RBM19: variants seen among roughly 807,000 people sequenced by gnomAD.
RBM19 encodes the protein probable RNA-binding protein 19.
Under a neutral mutation model 116.8 loss-of-function variants are expected in RBM19, and 94 were observed. The ratio of observed to expected loss-of-function variants is 0.80; its 90% CI spans 0.68 to 0.95. The LOEUF (loss-of-function observed/expected upper bound fraction) is 0.95. Among genes scored for constraint, RBM19 ranks in the 40% least tolerant of loss-of-function variants. The pLI is 0.00. For missense variants in RBM19, 1,161 were observed against 1,220.7 expected, an observed-to-expected ratio of 0.95 and a Z score of 0.73; for synonymous variants, 475 against 494.1, an observed-to-expected ratio of 0.96 and a Z score of 0.51.
At chr12:113,828,906 C>T (rs754295555) in intron 23 of RBM19, among the ~76,000 whole-genome samples, 11 of 152,152 alleles carry the variant, frequency 7.2e-5, no homozygotes, top group African/African-American at 1.9e-4. Context: ...ACATCAGGTA[C>T]GCACAGAATA....
At chr12:113,953,746 A>T (rs189372323) in intron 7 of RBM19, among the ~76,000 whole-genome samples, 2 of 152,402 alleles carry the variant, frequency 1.3e-5, no homozygotes, top group East Asian at 3.9e-4. Context: ...TTGCCTACAC[A>T]GAATATTTAT....
intron 23 of RBM19, among the ~76,000 whole-genome samples, chr12:113,838,222 A>G (rs1000410570): frequency 6.6e-6 from 1 of 152,232 alleles, no homozygotes; most frequent in African/African-American, 2.4e-5. Flanking sequence ...AGACTTGCCA[A>G]TTCACCCAGC....
chr12:113,966,036 G>A, intron 1 of RBM19, 156 bp downstream of exon 1: 1 of 783,932 alleles, frequency 1.3e-6, no homozygotes. Flanking sequence ...GATCAAATGG[G>A]GATAAGCCCA....
intron 18 of RBM19, 104 bp downstream of exon 18, chr12:113,924,593 G>A: frequency 1.0e-6 from 1 of 1,003,018 alleles, no homozygotes. Context: ...TTCAAAATGT[G>A]CAAGGGAGAA....
At chr12:113,847,190 A>G (rs1404519339) in intron 22 of RBM19, among the ~76,000 whole-genome samples, 1 of 152,250 alleles carries the variant, frequency 6.6e-6, no homozygotes, top group Non-Finnish European at 1.5e-5. Flanking sequence ...CATAATACAC[A>G]TTCAATAAAC....
intron 21 of RBM19, among the ~76,000 whole-genome samples, chr12:113,913,816 A>G (rs967015646): frequency 1.3e-5 from 2 of 152,210 alleles, no homozygotes; most frequent in Non-Finnish European, 2.9e-5. Context: ...ATGTTCACCC[A>G]CGCGCAGGCC....
intron 16 of RBM19, among the ~76,000 whole-genome samples, chr12:113,934,534 T>G (rs1393826063): frequency 1.3e-5 from 2 of 152,166 alleles, no homozygotes; most frequent in African/African-American, 4.8e-5. Context: ...TATCAGCCAC[T>G]GGGGCACGTT....
At chr12:113,906,507 G>C (rs1284472716) in intron 21 of RBM19, among the ~76,000 whole-genome samples, 2 of 152,212 alleles carry the variant, frequency 1.3e-5, no homozygotes, top group Non-Finnish European at 2.9e-5. Flanking sequence ...AGCTGGAAAT[G>C]CTCTGCCTCT....
chr12:113,873,752 A>T (rs975250981), intron 21 of RBM19, among the ~76,000 whole-genome samples: 6 of 152,204 alleles, frequency 3.9e-5, no homozygotes, highest in Non-Finnish European at 7.3e-5. Flanking sequence ...TGAATGGTCA[A>T]CATTTTCAGA....
At chr12:113,919,519 C>G (rs557259021) in intron 19 of RBM19, among the ~76,000 whole-genome samples, 1 of 152,138 alleles carries the variant, frequency 6.6e-6, no homozygotes, top group Admixed American at 6.5e-5. Context: ...TGCAGTGAGC[C>G]GAGATCGCGC....
rs542802363 is a variant in RBM19, at chr12:113,930,051, A to C, written c.2069-2822T>G. Among the ~76,000 whole-genome samples the C allele has an allele frequency of 7.9e-5, 12 of 152,384 alleles. No homozygotes were observed. In the South Asian group the frequency reaches 2.3e-3, roughly 29 times the overall value. ...ATTCAGATCTATTAAGAGAAGTAGG[A>C]AATCCAGCTTTACAGAGGAAATCCC... On this transcript the variant is annotated intron_variant, in intron 16 of 23. Coordinates refer to ENST00000261741, the MANE Select transcript of RBM19 (RefSeq NM_016196.4).
chr12:113,817,780 C>T (rs59775695), downstream of RBM19: 13,243 of 152,458 alleles, frequency 0.087, 682 homozygotes, highest in African/African-American at 0.14. Flanking sequence ...TCCTCACCCA[C>T]TTGAGACCCC....
intron 21 of RBM19, among the ~76,000 whole-genome samples, chr12:113,902,624 T>C (rs1287605066): frequency 6.7e-6 from 1 of 149,924 alleles, no homozygotes; most frequent in East Asian, 2.0e-4. Context: ...AAAGACAACG[T>C]TATATAAATG....
chr12:113,872,549 C>A (rs1454716153), intron 21 of RBM19, among the ~76,000 whole-genome samples: 1 of 121,054 alleles, frequency 8.3e-6, no homozygotes, highest in Non-Finnish European at 1.8e-5. Flanking sequence ...CCCGGCCAGC[C>A]GCCCCGTCCG....
chr12:113,936,940 G>GC, intron 16 of RBM19, 67 bp downstream of exon 16: 1 of 1,567,456 alleles, frequency 6.4e-7, no homozygotes. Flanking sequence ...ACTTCACGCT[G>GC]CCCCCAACCC....
chr12:113,855,217 T>A (rs1336390208), intron 22 of RBM19, among the ~76,000 whole-genome samples: 1 of 152,130 alleles, frequency 6.6e-6, no homozygotes, highest in Admixed American at 6.5e-5. Context: ...GGGGATGCCT[T>A]AACTCTTCTA....
intron 21 of RBM19, among the ~76,000 whole-genome samples, chr12:113,905,547 C>G (rs1881984884): frequency 6.6e-6 from 1 of 151,576 alleles, no homozygotes; most frequent in South Asian, 2.1e-4. Flanking sequence ...TCAGAGGAGG[C>G]AAGGATCTCT....
At chr12:113,927,391 G>T (rs1183860454) in intron 16 of RBM19, 162 bp from the exon 17 acceptor site, 3 of 778,394 alleles carry the variant, frequency 3.9e-6, no homozygotes, top group Non-Finnish European at 4.0e-6. Context: ...CCCAACTTGT[G>T]CTGAGCTTCA....
At chr12:113,956,576 C>CAAAAAAAAAAA (rs10592306) in intron 6 of RBM19, among the ~76,000 whole-genome samples, 1 of 66,230 alleles carries the variant, frequency 1.5e-5, no homozygotes, top group Non-Finnish European at 2.8e-5. Flanking sequence ...AAGACTGTCT[C>CAAAAAAAAAAA]AAAAAAAAAA....
Sources: gnomAD v4.1 joint callset for allele counts (sites outside exome capture counted in the v4.1 genomes callset) on GRCh38, gnomAD v4.1.1 for gene constraint, MANE v1.5 for transcripts, NCBI Gene and HGNC (gene_info 2026-07-23, HGNC 2026-07-21) for gene names.